Variants in EBF2 observed in about 807,000 individuals in gnomAD.
The protein encoded by EBF2 is EBF transcription factor 2.
EBF2 carries 21 observed loss-of-function variants against 72.8 expected under a neutral mutation model. The ratio of observed to expected loss-of-function variants is 0.29; its 90% CI spans 0.20 to 0.42. EBF2 has a LOEUF of 0.42. EBF2 is among the 10% of genes least tolerant of loss of function. EBF2 has a pLI of 1.00. For synonymous variants in EBF2, 299 were observed against 274.2 expected (o/e 1.09, Z -0.89); for missense variants, 637 against 731.2 (o/e 0.87, Z 1.49).
chr8:25,913,224 C>T (rs371838172), intron 6 of EBF2, among the ~76,000 whole-genome samples: 5 of 152,036 alleles, frequency 3.3e-5, no homozygotes, highest in East Asian at 3.9e-4. Context: ...AGGAGTATCA[C>T]GAGATCAAGA....
chr8:26,005,503 TA>T (rs1804854727), intron 6 of EBF2, among the ~76,000 whole-genome samples: 1 of 79,262 alleles, frequency 1.3e-5, no homozygotes, highest in Non-Finnish European at 2.3e-5. Context: ...TTATAAAATA[TA>T]ATATATATTA....
intron 6 of EBF2, among the ~76,000 whole-genome samples, chr8:25,951,934 T>G (rs560109252): frequency 6.6e-6 from 1 of 152,348 alleles, no homozygotes; most frequent in South Asian, 2.1e-4. Context: ...TTAATCATTT[T>G]CAATCATATT....
chr8:25,849,153 A>G (rs1253911330), intron 15 of EBF2, among the ~76,000 whole-genome samples: 3 of 152,218 alleles, frequency 2.0e-5, no homozygotes, highest in Admixed American at 1.3e-4. Context: ...CTACCCATAC[A>G]TTGGGTGGTA....
At chr8:25,945,843 C>T (rs1399022053) in intron 6 of EBF2, among the ~76,000 whole-genome samples, 2 of 151,940 alleles carry the variant, frequency 1.3e-5, no homozygotes, top group Non-Finnish European at 2.9e-5. Context: ...GCTTTAGAAG[C>T]ACTCAGGACT....
chr8:25,845,562 G>A (rs1317646707), intron 15 of EBF2, among the ~76,000 whole-genome samples: 1 of 152,200 alleles, frequency 6.6e-6, no homozygotes, highest in East Asian at 1.9e-4. Context: ...TATGAATGGA[G>A]TAATCTAATT....
chr8:25,901,421 C>CA (rs10712723), intron 7 of EBF2, among the ~76,000 whole-genome samples: 267 of 111,046 alleles, frequency 2.4e-3, no homozygotes, highest in Middle Eastern at 0.011. Context: ...CATCTTGTCT[C>CA]AAAAAAAAAA....
At chr8:25,859,951 A>T (rs373875474) in intron 13 of EBF2, among the ~76,000 whole-genome samples, 2 of 152,058 alleles carry the variant, frequency 1.3e-5, no homozygotes, top group East Asian at 1.9e-4. Context: ...TCCTGAGCTC[A>T]AGCAATCTGC....
At chr8:25,904,976 A>C (rs913958653) in intron 7 of EBF2, among the ~76,000 whole-genome samples, 1 of 152,182 alleles carries the variant, frequency 6.6e-6, no homozygotes, top group African/African-American at 2.4e-5. Context: ...TGAATATATA[A>C]AGAACTCTTA....
intron 10 of EBF2, among the ~76,000 whole-genome samples, chr8:25,881,099 A>T (rs1391194778): frequency 6.6e-6 from 1 of 152,096 alleles, no homozygotes; most frequent in Non-Finnish European, 1.5e-5. Flanking sequence ...GGGCCACCCC[A>T]CTGGCCTCCA....
At chr8:25,896,672 C>G (rs1424866280) in intron 7 of EBF2, among the ~76,000 whole-genome samples, 3 of 152,122 alleles carry the variant, frequency 2.0e-5, no homozygotes, top group Non-Finnish European at 4.4e-5. Context: ...ATTAAAGGGA[C>G]AGAGAAAATC....
intron 5 of EBF2, among the ~76,000 whole-genome samples, chr8:26,036,755 C>T (rs1288247426): frequency 6.6e-6 from 1 of 152,084 alleles, no homozygotes; most frequent in Non-Finnish European, 1.5e-5. Context: ...TTCTGCCTTC[C>T]CTTTGCTGTG....
intron 6 of EBF2, among the ~76,000 whole-genome samples, chr8:26,008,766 C>A (rs71517870): frequency 6.7e-6 from 1 of 148,762 alleles, no homozygotes; most frequent in East Asian, 2.0e-4. Context: ...AAAAGTTACT[C>A]TGCATAGAAA....
At chr8:26,019,681 C>A (rs1251123789) in intron 6 of EBF2, among the ~76,000 whole-genome samples, 3 of 152,100 alleles carry the variant, frequency 2.0e-5, no homozygotes, top group Non-Finnish European at 2.9e-5. Context: ...CTGATGGTGA[C>A]CATGCAAACT....
chr8:25,956,371 C>T (rs1471162911), intron 6 of EBF2, among the ~76,000 whole-genome samples: 3 of 151,098 alleles, frequency 2.0e-5, no homozygotes, highest in South Asian at 4.2e-4. Context: ...CATCATTGTA[C>T]TCCAGCCTGG....
At chr8:26,019,161 T>C (rs899143420) in intron 6 of EBF2, among the ~76,000 whole-genome samples, 4 of 152,148 alleles carry the variant, frequency 2.6e-5, no homozygotes, top group African/African-American at 9.7e-5. Flanking sequence ...AGGCATCAAA[T>C]GCCAAGAAGC....
intron 13 of EBF2, among the ~76,000 whole-genome samples, chr8:25,860,272 A>G (rs1802188925): frequency 6.6e-6 from 1 of 152,212 alleles, no homozygotes; most frequent in African/African-American, 2.4e-5. Flanking sequence ...ATATGAAATA[A>G]TACAAAATAG....
At chr8:25,998,032 T>C (rs1413706772) in intron 6 of EBF2, among the ~76,000 whole-genome samples, 1 of 152,224 alleles carries the variant, frequency 6.6e-6, no homozygotes, top group Non-Finnish European at 1.5e-5. Context: ...AACTTATCCC[T>C]CTTGCTCTTT....
intron 7 of EBF2, among the ~76,000 whole-genome samples, chr8:25,899,745 T>C (rs7813479): frequency 0.1 from 15,493 of 152,194 alleles, 2,666 homozygotes; most frequent in African/African-American, 0.35. Flanking sequence ...CGTGCCCAGC[T>C]GTGTGTACGA....
intron 13 of EBF2, among the ~76,000 whole-genome samples, chr8:25,859,783 C>G (rs961443177): frequency 3.3e-5 from 5 of 150,674 alleles, no homozygotes; most frequent in Admixed American, 2.7e-4. Flanking sequence ...GTGGCACAGT[C>G]ATGGCTCACT....
Sources: gnomAD v4.1 joint callset for allele counts (sites outside exome capture counted in the v4.1 genomes callset) on GRCh38, gnomAD v4.1.1 for gene constraint, MANE v1.5 for transcripts, NCBI Gene and HGNC (gene_info 2026-07-23, HGNC 2026-07-21) for gene names.